PPP6R2: variants seen among roughly 807,000 people sequenced by gnomAD.
PPP6R2 encodes serine/threonine-protein phosphatase 6 regulatory subunit 2.
Under a neutral mutation model 100.2 loss-of-function variants are expected in PPP6R2, and 62 were observed. That is an observed-to-expected ratio of 0.62 (90% confidence interval 0.50 to 0.76). The LOEUF (loss-of-function observed/expected upper bound fraction) is 0.76. Ranked by LOEUF, PPP6R2 falls within the 30% of genes least tolerant of loss-of-function variation. The pLI is 0.00. For missense variants in PPP6R2, 1,142 were observed against 1,276.3 expected, an observed-to-expected ratio of 0.89 and a Z score of 1.60; for synonymous variants, 525 against 514.7, an observed-to-expected ratio of 1.02 and a Z score of -0.27.
rs1303747335 is a variant in PPP6R2 at position 50,437,129 on chromosome 22, G to C, written c.1683+61G>C. On this transcript the variant is annotated intron_variant, in intron 15 of 23. Transcript: ENST00000612753. ...CCTTCCCGGCACCTGTGTGCGCTGCGCTTGGTCCTCCAGACGAGTCTGATG... is the reference window on the plus strand; with the variant it reads ...CCTTCCCGGCACCTGTGTGCGCTGCCCTTGGTCCTCCAGACGAGTCTGATG... The C allele has an allele frequency of 1.0e-5, 15 of 1,451,488 alleles. No individual in the cohort carries two copies. In the Admixed American group the frequency reaches 1.2e-4, roughly 11 times the overall value. 89.9% of individuals were successfully genotyped at this position (1,451,488 alleles called of 1,614,324 possible). A position where few individuals can be genotyped will look rare whatever the true frequency, so the allele number is the denominator to read the frequency against.
chr22:50,351,994 A>T (rs1259919303), intron 1 of PPP6R2, among the ~76,000 whole-genome samples: 1 of 152,132 alleles, frequency 6.6e-6, no homozygotes, highest in Non-Finnish European at 1.5e-5. Flanking sequence ...ACGGGGTTTC[A>T]TCGTGTTAGC....
intron 15 of PPP6R2, 139 bp downstream of exon 15, chr22:50,437,207 G>A (rs1364495393): frequency 3.2e-5 from 28 of 864,634 alleles, no homozygotes; most frequent in African/African-American, 6.6e-5. Flanking sequence ...CGTATGGGGC[G>A]GGGTGGGTCT....
chr22:50,362,914 G>A (rs747709378), intron 1 of PPP6R2, among the ~76,000 whole-genome samples: 4 of 152,140 alleles, frequency 2.6e-5, no homozygotes, highest in Admixed American at 1.3e-4. Flanking sequence ...TATTCTGGCC[G>A]CCTAAGCATA....
intron 14 of PPP6R2, 124 bp from the exon 15 acceptor site, chr22:50,436,864 G>C (rs2064405643): frequency 1.3e-6 from 1 of 784,722 alleles, no homozygotes; most frequent in East Asian, 2.7e-5. Flanking sequence ...CCAGAGATCT[G>C]ATGAGTGATG....
chr22:50,436,561 C>T (rs1402948694), intron 14 of PPP6R2, 109 bp downstream of exon 14: 19 of 1,055,992 alleles, frequency 1.8e-5, no homozygotes, highest in Admixed American at 4.2e-5. Flanking sequence ...AAGGGCCGCA[C>T]GCCTGCCTGC....
intron 10 of PPP6R2, among the ~76,000 whole-genome samples, chr22:50,425,983 A>AT (rs1442642003): frequency 1.3e-5 from 2 of 151,594 alleles, no homozygotes; most frequent in South Asian, 2.1e-4. Flanking sequence ...TACATAAAAA[A>AT]TTTTTTTTAG....
At chr22:50,439,562 C>G in intron 19 of PPP6R2, 139 bp from the exon 20 acceptor site, 1 of 975,200 alleles carries the variant, frequency 1.0e-6, no homozygotes, top group Non-Finnish European at 1.5e-6. Context: ...CTGACGGGCA[C>G]TGCCTGGGCC....
In PPP6R2 at chr22:50,441,909, G is replaced by A. The variant is rs142918751; in HGVS notation, c.2579+883G>A. Among the ~76,000 whole-genome samples the A allele has an allele frequency of 5.3e-5, 8 of 152,284 alleles. No homozygotes were observed. In the South Asian group the frequency reaches 1.2e-3, roughly 24 times the overall value. ...TAAACCTGAGGGGGAGGGTAGGACT[G>A]GGCTTGACGTGGGGAGGAGGGCGCA... On this transcript the variant is annotated intron_variant, in intron 22 of 23. Transcript: ENST00000612753.
At chr22:50,353,898 G>A (rs578191854) in intron 1 of PPP6R2, among the ~76,000 whole-genome samples, 4 of 149,634 alleles carry the variant, frequency 2.7e-5, no homozygotes, top group East Asian at 2.0e-4. Flanking sequence ...TAGAAGAATA[G>A]AGGAAGAACA....
In PPP6R2 at chr22:50,440,035, G is replaced by A; in HGVS notation, c.2360G>A (p.Gly787Asp). The part of the protein sequence containing the change: ...CSHAEGSRSQ[G>D]PEKAFSPASP... Reference sequence around the variant, plus strand: ...CATGCTGAGGGCAGCCGGAGCCAAGGCCCTGAGAAAGCCTGTGAGTAGGAG... The same window carrying A: ...CATGCTGAGGGCAGCCGGAGCCAAGACCCTGAGAAAGCCTGTGAGTAGGAG... The change falls in exon 21 of 24, where the codon GGC becomes GAC. Residue 787 changes from glycine to aspartate, a missense_variant. Gly to Asp is a moderately conservative substitution (Grantham distance 94). Coordinates refer to ENST00000612753, the MANE Select transcript of PPP6R2 (RefSeq NM_001242898.2). 6.2e-7 allele frequency: 1 copy of A among 1,613,068 alleles called. No individual in the cohort carries two copies. The highest frequency in any genetic ancestry group is 8.5e-7 in the Non-Finnish European group (1 of 1,179,748).
At chr22:50,331,011 G>A in the PPP6R2 span, among the ~76,000 whole-genome samples, 2 of 152,262 alleles carry the variant, frequency 1.3e-5, no homozygotes, top group East Asian at 3.9e-4. Flanking sequence ...AAATGCGTGT[G>A]GTTGTAAGCC....
At chr22:50,419,244 G>A in intron 7 of PPP6R2, 105 bp from the exon 8 acceptor site, 1 of 1,025,480 alleles carries the variant, frequency 9.8e-7, no homozygotes, top group Admixed American at 2.1e-5. Context: ...GCCTGAGCAG[G>A]TTGAGGGTTT....
At chr22:50,441,241 C>T (rs2065524642) in intron 22 of PPP6R2, among the ~76,000 whole-genome samples, 1 of 152,194 alleles carries the variant, frequency 6.6e-6, no homozygotes, top group African/African-American at 2.4e-5. Context: ...AAGTGTGGGG[C>T]CTTCTTTCGT....
At chr22:50,338,965 GGGTGTGT>G (rs2042336153), upstream of PPP6R2, among the ~76,000 whole-genome samples, 1 of 129,340 alleles carries the variant, frequency 7.7e-6, no homozygotes, top group Non-Finnish European at 1.6e-5. Context: ...TGGGTGTGTA[GGGTGTGT>G]GGTGTGTGTG....
chr22:50,443,182 C>A, intron 22 of PPP6R2: 1 of 152,440 alleles, frequency 6.6e-6, no homozygotes. Context: ...TTACCCACTT[C>A]TCCTAAACAA....
chr22:50,373,280 C>T (rs1157493011), intron 2 of PPP6R2, among the ~76,000 whole-genome samples: 15 of 135,238 alleles, frequency 1.1e-4, no homozygotes, highest in Non-Finnish European at 2.0e-4. Context: ...CTTGCTCAGT[C>T]GCCCAGGCTG....
In PPP6R2 at chr22:50,361,400, G is replaced by A. The variant is rs573678561; in HGVS notation, c.-147-10620G>A. Among the ~76,000 whole-genome samples, 78 of 152,252 alleles carry A rather than the reference G, an allele frequency of 5.1e-4. 1 individual carries two copies. Among genetic ancestry groups the A allele is most frequent in the South Asian group, 8.3e-4 (4 of 4,822 alleles). ...TTTACTTGTGAACTGGGGGTTGGTA[G>A]GAAACTACCTGCTGCATTAGGCTTT... is the stretch of plus-strand genomic sequence containing the variant. On this transcript the variant is annotated intron_variant, in intron 1 of 23. Coordinates refer to ENST00000612753, the MANE Select transcript of PPP6R2 (RefSeq NM_001242898.2).
intron 2 of PPP6R2, among the ~76,000 whole-genome samples, chr22:50,390,060 C>T (rs1042210601): frequency 1.4e-4 from 20 of 147,464 alleles, no homozygotes; most frequent in Middle Eastern, 3.5e-3. Flanking sequence ...GGTGTGATAT[C>T]GGCTTACTAC....
intron 1 of PPP6R2, among the ~76,000 whole-genome samples, chr22:50,358,545 A>C (rs973701460): frequency 6.6e-6 from 1 of 152,220 alleles, no homozygotes; most frequent in Non-Finnish European, 1.5e-5. Flanking sequence ...AAAGTATAAA[A>C]TTTGATAAGT....
Sources: gnomAD v4.1 joint callset for allele counts (sites outside exome capture counted in the v4.1 genomes callset) on GRCh38, gnomAD v4.1.1 for gene constraint, MANE v1.5 for transcripts, NCBI Gene and HGNC (gene_info 2026-07-23, HGNC 2026-07-21) for gene names.